RGS6: variants seen among roughly 807,000 people sequenced by gnomAD.
The protein encoded by RGS6 is regulator of G protein signaling 6, also known as regulator of G-protein signaling 6.
In RGS6, 30 loss-of-function variants were observed where a neutral mutation model predicts 78.5. The ratio of observed to expected loss-of-function variants is 0.38; its 90% CI spans 0.29 to 0.52. The LOEUF is 0.52. RGS6 is among the 20% of genes least tolerant of loss of function. RGS6 has a pLI of 0.85. For synonymous variants in RGS6, 206 were observed against 206.0 expected (o/e 1.00, Z 0.00); for missense variants, 495 against 609.7 (o/e 0.81, Z 1.98).
intron 2 of RGS6, among the ~76,000 whole-genome samples, chr14:72,212,964 A>C (rs1422371020): frequency 6.6e-6 from 1 of 152,134 alleles, no homozygotes; most frequent in East Asian, 1.9e-4. Context: ...ATCCCTTTTT[A>C]AAGTCCCACC....
At chr14:71,885,256 AAAAC>A in the RGS6 span, among the ~76,000 whole-genome samples, 1 of 152,246 alleles carries the variant, frequency 6.6e-6, no homozygotes, top group Non-Finnish European at 1.5e-5. Context: ...GACACTAAAG[AAAAC>A]AAACAACACT....
chr14:71,931,686 T>C (rs1463545094), upstream of RGS6, among the ~76,000 whole-genome samples: 1 of 152,240 alleles, frequency 6.6e-6, no homozygotes, highest in Non-Finnish European at 1.5e-5. Flanking sequence ...ACTAGTGATC[T>C]TGTCCTATTT....
intron 2 of RGS6, among the ~76,000 whole-genome samples, chr14:72,344,972 C>G (rs2077734644): frequency 6.6e-6 from 1 of 152,166 alleles, no homozygotes; most frequent in African/African-American, 2.4e-5. Flanking sequence ...TTCCATTCTC[C>G]TCTTGCCCTG....
At chr14:72,331,922 C>A (rs181207976) in intron 2 of RGS6, among the ~76,000 whole-genome samples, 4 of 152,278 alleles carry the variant, frequency 2.6e-5, no homozygotes, top group African/African-American at 9.6e-5. Context: ...TGAAATTATT[C>A]CAATTATCTA....
chr14:72,044,672 A>G (rs987242415), intron 2 of RGS6, among the ~76,000 whole-genome samples: 1 of 152,004 alleles, frequency 6.6e-6, no homozygotes, highest in Admixed American at 6.6e-5. Flanking sequence ...GGAGTTTGAA[A>G]CCAGCCTGGC....
intron 3 of RGS6, among the ~76,000 whole-genome samples, chr14:72,355,494 A>AT (rs1348244134): frequency 2.6e-5 from 4 of 152,030 alleles, no homozygotes. Context: ...TTGGTCATTC[A>AT]TTTTTTTAAA....
intron 7 of RGS6, among the ~76,000 whole-genome samples, chr14:72,466,030 T>A (rs550311597): frequency 3.9e-5 from 6 of 151,926 alleles, no homozygotes; most frequent in African/African-American, 1.4e-4. Context: ...CTCTTAAAAC[T>A]CAACAATAAA....
chr14:72,050,894 A>G (rs891467556), intron 2 of RGS6, among the ~76,000 whole-genome samples: 1 of 152,176 alleles, frequency 6.6e-6, no homozygotes, highest in Admixed American at 6.5e-5. Flanking sequence ...CCTGGAACCA[A>G]TCCCCCAAGT....
chr14:72,176,576 G>C (rs2097107688), intron 2 of RGS6, among the ~76,000 whole-genome samples: 1 of 152,204 alleles, frequency 6.6e-6, no homozygotes, highest in African/African-American at 2.4e-5. Flanking sequence ...CCCTTACAAA[G>C]AGCCAAGAGC....
intron 2 of RGS6, among the ~76,000 whole-genome samples, chr14:72,028,914 CAT>C (rs754567840): frequency 6.6e-5 from 10 of 152,182 alleles, no homozygotes; most frequent in Non-Finnish European, 1.5e-4. Context: ...TGAAATATGA[CAT>C]AAATATTTGG....
the RGS6 span, among the ~76,000 whole-genome samples, chr14:71,876,481 T>TTG: frequency 3.6e-5 from 1 of 27,510 alleles, no homozygotes; most frequent in Admixed American, 3.1e-4. Context: ...TGCTTTTTTT[T>TTG]TTTTTTTTTT....
the RGS6 span, among the ~76,000 whole-genome samples, chr14:72,591,305 T>G: frequency 6.6e-6 from 1 of 152,212 alleles, no homozygotes; most frequent in Non-Finnish European, 1.5e-5. Context: ...AATTCAATTA[T>G]GTGAAACAAC....
intron 9 of RGS6, chr14:72,474,225 C>A (rs2096171777): frequency 1.3e-5 from 2 of 156,950 alleles, no homozygotes; most frequent in South Asian, 4.1e-4. Context: ...TGAAATGGAA[C>A]TAAAAAATAA....
the RGS6 span, among the ~76,000 whole-genome samples, chr14:72,588,235 G>T: frequency 6.6e-6 from 1 of 152,108 alleles, no homozygotes; most frequent in Non-Finnish European, 1.5e-5. Flanking sequence ...GAGCTCACCT[G>T]TGGGAGTACT....
intron 12 of RGS6, among the ~76,000 whole-genome samples, chr14:72,482,326 G>C (rs1357695426): frequency 6.6e-6 from 1 of 152,026 alleles, no homozygotes; most frequent in African/African-American, 2.4e-5. Flanking sequence ...TTGAATTCCT[G>C]TTTCTGCCTT....
chr14:71,977,244 T>C (rs1156283538), intron 2 of RGS6, among the ~76,000 whole-genome samples: 1 of 76,316 alleles, frequency 1.3e-5, no homozygotes, highest in East Asian at 4.0e-4. Context: ...TTTCTTTTGC[T>C]GTGCAGAAGC....
chr14:72,571,912 G>T, the RGS6 span, among the ~76,000 whole-genome samples: 1 of 152,162 alleles, frequency 6.6e-6, no homozygotes, highest in Non-Finnish European at 1.5e-5. Context: ...GGCTATCAAG[G>T]TATTTATATT....
chr14:72,347,751 G>A (rs542542137), intron 2 of RGS6, among the ~76,000 whole-genome samples: 10 of 152,162 alleles, frequency 6.6e-5, no homozygotes, highest in Non-Finnish European at 1.2e-4. Flanking sequence ...GAGATGAGAC[G>A]CTGTGTATAT....
At chr14:72,483,686 C>T (rs966537127) in intron 12 of RGS6, among the ~76,000 whole-genome samples, 3 of 152,042 alleles carry the variant, frequency 2.0e-5, no homozygotes, top group Non-Finnish European at 4.4e-5. Flanking sequence ...CTTTGCTCCT[C>T]CTTTCTCCTA....
Sources: gnomAD v4.1 joint callset for allele counts (sites outside exome capture counted in the v4.1 genomes callset) on GRCh38, gnomAD v4.1.1 for gene constraint, MANE v1.5 for transcripts, NCBI Gene and HGNC (gene_info 2026-07-23, HGNC 2026-07-21) for gene names.